SH3BGRL: variants seen among roughly 807,000 people sequenced by gnomAD.
The protein encoded by SH3BGRL is adapter SH3BGRL.
In SH3BGRL, 7 loss-of-function variants were observed where a neutral mutation model predicts 9.8. The observed-to-expected ratio is 0.72, with a 90% CI of 0.41 to 1.35. The LOEUF (loss-of-function observed/expected upper bound fraction) is 1.35, where lower values mean the gene tolerates loss of function less well. SH3BGRL is among the 40% of genes most tolerant of loss of function. The probability of loss-of-function intolerance (pLI) is 0.01; values close to 1 mark genes in which losing one functional copy is unlikely to be tolerated. For missense variants in SH3BGRL, 73 were observed against 84.4 expected (o/e 0.86, Z 0.53); for synonymous variants, 36 against 29.1 (o/e 1.24, Z -0.76).
intron 1 of SH3BGRL, among the ~76,000 whole-genome samples, chrX:81,263,846 T>A (rs978017313): frequency 9.0e-6 from 1 of 110,703 alleles, no homozygotes; most frequent in African/African-American, 3.3e-5. Context: ...TTTTTGTAAA[T>A]TTGAAGTACA....
intron 1 of SH3BGRL, among the ~76,000 whole-genome samples, chrX:81,228,837 C>G (rs751231319): frequency 8.9e-6 from 1 of 112,024 alleles, no homozygotes; most frequent in Non-Finnish European, 1.9e-5. Flanking sequence ...ATTCATTTCT[C>G]AACACAGTGA....
chrX:81,207,117 C>T (rs1441475201), intron 1 of SH3BGRL, among the ~76,000 whole-genome samples: 1 of 111,703 alleles, frequency 9.0e-6, no homozygotes, highest in African/African-American at 3.3e-5. Flanking sequence ...ATGAGAATTG[C>T]TAGAGAGATG....
chrX:81,255,274 G>C (rs2075722375), intron 1 of SH3BGRL, among the ~76,000 whole-genome samples: 2 of 111,856 alleles, frequency 1.8e-5, no homozygotes, highest in Middle Eastern at 4.6e-3. Flanking sequence ...GACTGTAACT[G>C]AAGGTTAGTT....
At chrX:81,240,766 G>A (rs2075666212) in intron 1 of SH3BGRL, among the ~76,000 whole-genome samples, 1 of 112,811 alleles carries the variant, frequency 8.9e-6, no homozygotes, top group Admixed American at 9.3e-5. Flanking sequence ...CAAAACTGGA[G>A]GAATCACATT....
At chrX:81,267,351 A>G (rs1227710729) in intron 1 of SH3BGRL, among the ~76,000 whole-genome samples, 1 of 111,503 alleles carries the variant, frequency 9.0e-6, no homozygotes, top group Non-Finnish European at 1.9e-5. Flanking sequence ...GTTTGTCCTA[A>G]ATAGCTCCTA....
intron 1 of SH3BGRL, among the ~76,000 whole-genome samples, chrX:81,234,650 ATTC>A (rs759806935): frequency 1.8e-5 from 2 of 112,077 alleles, no homozygotes; most frequent in East Asian, 2.8e-4. Context: ...CTGTGGAAAT[ATTC>A]TTCTTTTTTC....
intron 1 of SH3BGRL, among the ~76,000 whole-genome samples, chrX:81,272,779 G>A (rs948714554): frequency 1.8e-5 from 2 of 111,179 alleles, no homozygotes; most frequent in South Asian, 3.8e-4. Flanking sequence ...GATTACAGGC[G>A]TGAGCCACCG....
Position 81,204,571 on chromosome X carries a change from A to G in SH3BGRL, c.45+2326A>G, listed in dbSNP as rs73634724. On this transcript the variant is annotated intron_variant, in intron 1 of 3. Coordinates refer to ENST00000373212, the MANE Select transcript of SH3BGRL (RefSeq NM_003022.3). ...ATTGGTGGTAGCTGACTGTTTCTTA[A>G]TCTTCCTACTGGTTGTCATTAAAAA... is the stretch of plus-strand genomic sequence containing the variant. 4.8e-3 allele frequency among the ~76,000 whole-genome samples: 536 copies of G among 110,674 alleles called. 4 individuals carry two copies. The highest frequency in any genetic ancestry group is 0.016 in the African/African-American group (494 of 30,212).
Position 81,233,533 on chromosome X carries a change from G to T in SH3BGRL, c.45+31288G>T, listed in dbSNP as rs549227412. The stretch of plus-strand genomic sequence containing the variant: ...ATAGCCAATAACTTAGCAGAGCCAG[G>T]ATCCATATCCAGGATTTTACACTGA... On this transcript the variant is annotated intron_variant, in intron 1 of 3. Coordinates refer to ENST00000373212, the MANE Select transcript of SH3BGRL (RefSeq NM_003022.3). Among the ~76,000 whole-genome samples, 12 of 110,973 alleles carry T rather than the reference G, an allele frequency of 1.1e-4. 1 individual carries two copies. The South Asian group carries it at 4.5e-3, about 42-fold the overall frequency.
chrX:81,211,665 A>T (rs1430905695), intron 1 of SH3BGRL, among the ~76,000 whole-genome samples: 1 of 111,454 alleles, frequency 9.0e-6, no homozygotes, highest in Non-Finnish European at 1.9e-5. Flanking sequence ...AGCTTCCAGC[A>T]AATATAAAGC....
intron 1 of SH3BGRL, among the ~76,000 whole-genome samples, chrX:81,275,402 A>G (rs1008937771): frequency 2.0e-4 from 22 of 111,575 alleles, no homozygotes; most frequent in African/African-American, 7.2e-4. Flanking sequence ...CCCAGCCTTG[A>G]AAGTACAGTC....
chrX:81,276,685 A>T (rs1389256027), intron 1 of SH3BGRL, among the ~76,000 whole-genome samples: 1 of 111,362 alleles, frequency 9.0e-6, no homozygotes, highest in African/African-American at 3.3e-5. Context: ...CATAATTTGG[A>T]GTTAACTGCA....
intron 1 of SH3BGRL, among the ~76,000 whole-genome samples, chrX:81,256,400 A>G (rs1228925209): frequency 8.9e-6 from 1 of 112,266 alleles, no homozygotes; most frequent in Non-Finnish European, 1.9e-5. Flanking sequence ...CAACTTTCTT[A>G]TTAGATTCTC....
intron 1 of SH3BGRL, among the ~76,000 whole-genome samples, chrX:81,204,556 G>A (rs968009760): frequency 9.0e-6 from 1 of 111,097 alleles, no homozygotes; most frequent in African/African-American, 3.3e-5. Flanking sequence ...ATTGGTGGTA[G>A]CTGACTGTTT....
At chrX:81,237,083 T>A (rs1364049842) in intron 1 of SH3BGRL, 3 of 913,554 alleles carry the variant, frequency 3.3e-6, no homozygotes, top group African/African-American at 4.1e-5. Flanking sequence ...AGTCAAGTAA[T>A]GTTATTGAAT....
intron 3 of SH3BGRL, among the ~76,000 whole-genome samples, chrX:81,288,210 C>T (rs901442190): frequency 1.8e-5 from 2 of 111,605 alleles, no homozygotes; most frequent in African/African-American, 6.5e-5. Flanking sequence ...TCAATTGATG[C>T]TGAAAAAGCA....
intron 3 of SH3BGRL, among the ~76,000 whole-genome samples, chrX:81,290,955 T>C (rs1488915924): frequency 8.9e-6 from 1 of 111,891 alleles, no homozygotes; most frequent in Non-Finnish European, 1.9e-5. Context: ...AGGTCATTTT[T>C]GCATTATTAT....
intron 1 of SH3BGRL, among the ~76,000 whole-genome samples, chrX:81,203,845 C>G (rs1003878043): frequency 1.8e-5 from 2 of 111,039 alleles, no homozygotes; most frequent in Non-Finnish European, 3.8e-5. Context: ...TTAGAAATGG[C>G]TGCTGTCTTC....
intron 1 of SH3BGRL, among the ~76,000 whole-genome samples, chrX:81,263,098 C>T (rs1296835258): frequency 9.0e-6 from 1 of 110,586 alleles, no homozygotes; most frequent in Non-Finnish European, 1.9e-5. Context: ...ACAGAGTAGA[C>T]CTGGAAGAAT....
Sources: allele counts gnomAD v4.1 joint callset (sites outside exome capture counted in the v4.1 genomes callset), GRCh38; gene constraint gnomAD v4.1.1; transcripts MANE v1.5; gene names NCBI Gene and HGNC (gene_info 2026-07-23, HGNC 2026-07-21).